The following CTNNA2 variants were observed in gnomAD, a reference collection of about 807,000 sequenced individuals.
CTNNA2 encodes the protein catenin alpha 2, also known as catenin alpha-2.
A neutral mutation model predicts 101.0 loss-of-function variants in CTNNA2; 42 were observed. That is an observed-to-expected ratio of 0.42 (90% CI 0.32 to 0.54). The LOEUF is 0.54. CTNNA2 is among the 20% of genes least tolerant of loss of function. CTNNA2 has a pLI of 0.14. For synonymous variants in CTNNA2, 450 were observed against 456.4 expected, an observed-to-expected ratio of 0.99 and a Z score of 0.18; for missense variants, 871 against 1,223.1, an observed-to-expected ratio of 0.71 and a Z score of 4.29.
intron 18 of CTNNA2, among the ~76,000 whole-genome samples, chr2:80,641,860 G>T (rs1673530517): frequency 6.6e-6 from 1 of 151,996 alleles, no homozygotes; most frequent in African/African-American, 2.4e-5. Flanking sequence ...TTGAACTTTT[G>T]TGTATGGATT....
intron 7 of CTNNA2, among the ~76,000 whole-genome samples, chr2:80,326,393 C>G (rs1390383524): frequency 6.6e-6 from 1 of 152,142 alleles, no homozygotes; most frequent in Non-Finnish European, 1.5e-5. Flanking sequence ...TTCTTTTCAT[C>G]CTCCAGCAGA....
At chr2:79,525,113 G>A (rs935898707) in intron 1 of CTNNA2, among the ~76,000 whole-genome samples, 4 of 151,974 alleles carry the variant, frequency 2.6e-5, no homozygotes, top group African/African-American at 9.6e-5. Context: ...TTTGCATTTT[G>A]AAGCTGTTGT....
At chr2:80,600,351 A>G (rs989158696) in intron 15 of CTNNA2, among the ~76,000 whole-genome samples, 1 of 152,018 alleles carries the variant, frequency 6.6e-6, no homozygotes, top group Non-Finnish European at 1.5e-5. Flanking sequence ...AGTGTAAATG[A>G]TGAATACATT....
At chr2:80,053,497 G>T (rs1277067260) in intron 7 of CTNNA2, among the ~76,000 whole-genome samples, 5 of 152,190 alleles carry the variant, frequency 3.3e-5, no homozygotes, top group Non-Finnish European at 7.4e-5. Context: ...AGGACTTAAG[G>T]CCATTTGTCC....
chr2:80,635,590 G>A (rs542987231), intron 18 of CTNNA2, among the ~76,000 whole-genome samples: 1 of 152,256 alleles, frequency 6.6e-6, no homozygotes, highest in Non-Finnish European at 1.5e-5. Flanking sequence ...TATGTGAGGA[G>A]AAATTATATT....
chr2:79,242,969 A>AATATATATATATATAT (rs137898899), intron 2 of CTNNA2, among the ~76,000 whole-genome samples: 18 of 127,354 alleles, frequency 1.4e-4, no homozygotes, highest in Middle Eastern at 9.6e-3. Context: ...CCTGTCTCGA[A>AATATATATATATATAT]ATATATATAT....
At chr2:79,322,211 A>C (rs550232880) in intron 3 of CTNNA2, among the ~76,000 whole-genome samples, 2 of 152,230 alleles carry the variant, frequency 1.3e-5, no homozygotes, top group East Asian at 3.9e-4. Context: ...TGTCATCAAC[A>C]AGGGCTGGAA....
At chr2:79,538,356 T>TC (rs373833297) in intron 1 of CTNNA2, among the ~76,000 whole-genome samples, 1 of 151,990 alleles carries the variant, frequency 6.6e-6, no homozygotes, top group Non-Finnish European at 1.5e-5. Context: ...ATGATTTTTT[T>TC]CTCTAATCCT....
chr2:80,071,865 A>T (rs1433189090), intron 7 of CTNNA2, among the ~76,000 whole-genome samples: 1 of 152,196 alleles, frequency 6.6e-6, no homozygotes, highest in African/African-American at 2.4e-5. Context: ...TAACAGAGGA[A>T]TTCTCGGATT....
chr2:79,335,978 G>A lies in CTNNA2; in HGVS notation c.-318+23182G>A, dbSNP rs141573483. 5.2e-3 allele frequency among the ~76,000 whole-genome samples: 793 copies of A among 152,298 alleles called. 7 individuals carry two copies. Among genetic ancestry groups the A allele is most frequent in the African/African-American group, 0.018 (768 of 41,574 alleles). On this transcript the variant is annotated intron_variant, in intron 3 of 21. Transcript: ENST00000466387. ...AACAATGAACGAGAAAGTCAGTCACGTTAGGGAGAGATCAAGTAAGAAATA... is the reference window on the plus strand; with the variant it reads ...AACAATGAACGAGAAAGTCAGTCACATTAGGGAGAGATCAAGTAAGAAATA...
chr2:80,012,509 G>A (rs373676574), intron 7 of CTNNA2, among the ~76,000 whole-genome samples: 1 of 152,160 alleles, frequency 6.6e-6, no homozygotes, highest in East Asian at 1.9e-4. Flanking sequence ...AACATTTTCT[G>A]TAAAGGACTA....
At chr2:79,245,009 C>T (rs549585427) in intron 2 of CTNNA2, among the ~76,000 whole-genome samples, 2 of 151,828 alleles carry the variant, frequency 1.3e-5, no homozygotes, top group Admixed American at 6.6e-5. Context: ...GCAGGAGAAT[C>T]GCTTGAACTC....
chr2:80,116,901 T>TTGTGTGTGTG (rs1207841841), intron 7 of CTNNA2, among the ~76,000 whole-genome samples: 1 of 76,462 alleles, frequency 1.3e-5, no homozygotes, highest in African/African-American at 8.6e-5. Flanking sequence ...TAGAAGAAAA[T>TTGTGTGTGTG]AGTGTGTGTG....
intron 7 of CTNNA2, among the ~76,000 whole-genome samples, chr2:80,128,942 C>T (rs1275969459): frequency 1.3e-5 from 2 of 152,146 alleles, no homozygotes; most frequent in African/African-American, 4.8e-5. Context: ...ATGTGCTAGC[C>T]TCTTCTGTAA....
Position 79,521,139 on chromosome 2 carries a change from T to G in CTNNA2, c.-6+7932T>G, listed in dbSNP as rs1182565699. Among the ~76,000 whole-genome samples the G allele has an allele frequency of 4.1e-3, 103 of 25,126 alleles. 2 individuals carry two copies. Among genetic ancestry groups the G allele is most frequent in the Non-Finnish European group, 7.3e-3 (90 of 12,314 alleles). The allele number at this position is 25,126 out of a possible 152,430, so 16.5% of individuals were successfully genotyped here. ...ATATATATATATATATATATATATA[T>G]ATATATATATATATATATATATATA... On this transcript the variant is annotated intron_variant, in intron 1 of 18. Transcript: ENST00000402739.
Position 79,227,416 on chromosome 2 carries a change from A to C in CTNNA2, c.-406+29340A>C, listed in dbSNP as rs1267739486. Among the ~76,000 whole-genome samples the C allele has an allele frequency of 2.6e-5, 4 of 152,198 alleles. No homozygotes were observed. The East Asian group carries it at 7.7e-4, about 29-fold the overall frequency. Reference sequence around the variant, plus strand: ...CTATGCAATGGCGATATTCATTTCTATTCTAACTAGTATTTACAATGTTAG... The same window carrying C: ...CTATGCAATGGCGATATTCATTTCTCTTCTAACTAGTATTTACAATGTTAG... On this transcript the variant is annotated intron_variant, in intron 2 of 21. Transcript: ENST00000466387.
At chr2:79,988,702 T>C (rs1348746827) in intron 7 of CTNNA2, among the ~76,000 whole-genome samples, 1 of 152,120 alleles carries the variant, frequency 6.6e-6, no homozygotes, top group Non-Finnish European at 1.5e-5. Flanking sequence ...GGTTCATGCA[T>C]TTAGTGGATT....
rs867312102 is a variant in CTNNA2 at position 80,201,626 on chromosome 2, C to T, written c.1057-191585C>T. 5.3e-5 allele frequency among the ~76,000 whole-genome samples: 8 copies of T among 151,998 alleles called. 1 individual carries two copies. The highest frequency in any genetic ancestry group is 3.3e-4 in the Admixed American group (5 of 15,252). ...TCCTGACCTCGTAATCCGCCTGCCT[C>T]GGCCTCCCAAAGTGCTGGGATTACA... On this transcript the variant is annotated intron_variant, in intron 7 of 18. Coordinates refer to ENST00000402739, the MANE Select transcript of CTNNA2 (RefSeq NM_001282597.3).
chr2:79,911,745 A>G (rs979179163), intron 7 of CTNNA2, among the ~76,000 whole-genome samples: 5 of 152,264 alleles, frequency 3.3e-5, no homozygotes, highest in Non-Finnish European at 5.9e-5. Flanking sequence ...ACATTGAACC[A>G]TCATGATCAA....
Sources: allele counts gnomAD v4.1 joint callset (sites outside exome capture counted in the v4.1 genomes callset), GRCh38; gene constraint gnomAD v4.1.1; transcripts MANE v1.5; gene names NCBI Gene and HGNC (gene_info 2026-07-23, HGNC 2026-07-21).